Variants in CDH4 observed in about 807,000 individuals in gnomAD.
The protein encoded by CDH4 is cadherin-4.
Under a neutral mutation model 86.0 loss-of-function variants are expected in CDH4, and 33 were observed. The ratio of observed to expected loss-of-function variants is 0.38; its 90% CI spans 0.29 to 0.51. CDH4 has a LOEUF of 0.51. CDH4 is among the 20% of genes least tolerant of loss of function. The pLI, the probability that CDH4 is intolerant of heterozygous loss-of-function variation, is 0.86. For synonymous variants in CDH4, 555 were observed against 549.4 expected (o/e 1.01, Z -0.14); for missense variants, 1,114 against 1,307.4 (o/e 0.85, Z 2.28).
chr20:61,563,149 C>G (rs868618491), intron 2 of CDH4, among the ~76,000 whole-genome samples: 1 of 152,162 alleles, frequency 6.6e-6, no homozygotes, highest in Admixed American at 6.5e-5. Flanking sequence ...CTCTCTTGAC[C>G]TGTGAATTCT....
chr20:61,449,020 T>A (rs2085366475), intron 2 of CDH4, among the ~76,000 whole-genome samples: 1 of 152,194 alleles, frequency 6.6e-6, no homozygotes, highest in Non-Finnish European at 1.5e-5. Flanking sequence ...CTCTACTTTT[T>A]AAAACCTGGA....
At chr20:61,482,621 G>A (rs144024558) in intron 2 of CDH4, among the ~76,000 whole-genome samples, 182 of 152,256 alleles carry the variant, frequency 1.2e-3, no homozygotes, top group African/African-American at 4.2e-3. Context: ...CTGCTGCACC[G>A]CTTCTGCTGA....
chr20:61,594,407 C>T (rs147369803), intron 2 of CDH4, among the ~76,000 whole-genome samples: 2,065 of 152,216 alleles, frequency 0.014, 24 homozygotes, highest in South Asian at 0.04. Context: ...CAGCCCCCAC[C>T]GGGCCCACCT....
chr20:61,397,035 G>T (rs563667545), intron 2 of CDH4, among the ~76,000 whole-genome samples: 1 of 151,988 alleles, frequency 6.6e-6, no homozygotes, highest in Non-Finnish European at 1.5e-5. Context: ...CTCAGCCCCC[G>T]CAAGTAGCTG....
At chr20:61,815,323 T>C (rs1211454880) in intron 4 of CDH4, among the ~76,000 whole-genome samples, 1 of 152,132 alleles carries the variant, frequency 6.6e-6, no homozygotes, top group East Asian at 1.9e-4. Flanking sequence ...CTGTCATGAG[T>C]CTCGTGTACG....
chr20:61,750,538 T>A (rs1469557363), intron 3 of CDH4, among the ~76,000 whole-genome samples: 1 of 152,106 alleles, frequency 6.6e-6, no homozygotes, highest in Non-Finnish European at 1.5e-5. Flanking sequence ...TCAGGAAAAA[T>A]TAAAACAAAT....
chr20:61,775,596 C>G (rs74542396), intron 4 of CDH4, among the ~76,000 whole-genome samples: 6,254 of 152,222 alleles, frequency 0.041, 148 homozygotes, highest in Middle Eastern at 0.078. Flanking sequence ...GCTGGGTTAG[C>G]CCATGGGCCA....
intron 2 of CDH4, among the ~76,000 whole-genome samples, chr20:61,484,591 G>A (rs558570583): frequency 2.0e-5 from 3 of 152,324 alleles, no homozygotes; most frequent in African/African-American, 7.2e-5. Context: ...CCAGCTTCAC[G>A]CAGTCAGTCA....
chr20:61,497,041 G>A (rs780265608), intron 2 of CDH4, among the ~76,000 whole-genome samples: 3 of 149,184 alleles, frequency 2.0e-5, no homozygotes, highest in Non-Finnish European at 3.0e-5. Flanking sequence ...AATATCAGCC[G>A]TGAATAAGCC....
chr20:61,871,995 G>A (rs1983823733), intron 6 of CDH4, among the ~76,000 whole-genome samples: 1 of 152,180 alleles, frequency 6.6e-6, no homozygotes. Context: ...GGCCAGAGTG[G>A]CGGTCTTCTC....
chr20:61,380,470 T>C (rs1243757961), intron 2 of CDH4, among the ~76,000 whole-genome samples: 1 of 152,100 alleles, frequency 6.6e-6, no homozygotes, highest in Non-Finnish European at 1.5e-5. Flanking sequence ...TGAACTCTGA[T>C]AATTCACAGG....
intron 2 of CDH4, among the ~76,000 whole-genome samples, chr20:61,647,759 A>G (rs769561109): frequency 5.9e-5 from 9 of 152,150 alleles, no homozygotes; most frequent in Non-Finnish European, 1.0e-4. Context: ...CGGGGAGTTG[A>G]TCACAGGCCC....
intron 9 of CDH4, among the ~76,000 whole-genome samples, chr20:61,913,384 G>A (rs910258702): frequency 5.9e-5 from 9 of 152,228 alleles, no homozygotes; most frequent in Admixed American, 2.0e-4. Context: ...CCCTATCTGC[G>A]CGGAGCATCA....
chr20:61,717,007 A>G (rs1194735668), intron 2 of CDH4, among the ~76,000 whole-genome samples: 1 of 152,246 alleles, frequency 6.6e-6, no homozygotes, highest in Non-Finnish European at 1.5e-5. Context: ...CACCAGGTAG[A>G]GGAAACCCTC....
At chr20:61,374,864 G>A (rs1452030694) in intron 2 of CDH4, among the ~76,000 whole-genome samples, 1 of 152,224 alleles carries the variant, frequency 6.6e-6, no homozygotes, top group East Asian at 1.9e-4. Context: ...GAAGCGTGCC[G>A]CCTGGAGGCT....
At chr20:61,628,329 A>C (rs2086851582) in intron 2 of CDH4, among the ~76,000 whole-genome samples, 1 of 147,714 alleles carries the variant, frequency 6.8e-6, no homozygotes, top group Non-Finnish European at 1.5e-5. Flanking sequence ...GGAACCGGGC[A>C]CCCCCACCCC....
chr20:61,635,416 G>A (rs1479088393), intron 2 of CDH4, among the ~76,000 whole-genome samples: 1 of 152,224 alleles, frequency 6.6e-6, no homozygotes, highest in Non-Finnish European at 1.5e-5. Flanking sequence ...CTTGGCTGCT[G>A]CGGGTGATGT....
intron 2 of CDH4, among the ~76,000 whole-genome samples, chr20:61,579,894 G>A (rs1036683203): frequency 3.3e-5 from 5 of 151,912 alleles, no homozygotes; most frequent in Non-Finnish European, 7.4e-5. Context: ...AAAATGTACT[G>A]CCTTTTTTTG....
chr20:61,603,585 G>C lies in CDH4; in HGVS notation c.170-139978G>C, dbSNP rs532571763. Among the ~76,000 whole-genome samples the C allele has an allele frequency of 3.0e-4, 46 of 152,302 alleles. 1 individual carries two copies. Among genetic ancestry groups the C allele is most frequent in the African/African-American group, 9.9e-4 (41 of 41,564 alleles). Reference sequence around the variant, plus strand: ...CACAGGGAGCAGAAGGGCCCATCCCGGGCCCTCACCTGCTAGGTCCCATTG... The same window carrying C: ...CACAGGGAGCAGAAGGGCCCATCCCCGGCCCTCACCTGCTAGGTCCCATTG... On this transcript the variant is annotated intron_variant, in intron 2 of 15. Coordinates refer to ENST00000614565, the MANE Select transcript of CDH4 (RefSeq NM_001794.5).
Sources: gnomAD v4.1 joint callset for allele counts (sites outside exome capture counted in the v4.1 genomes callset) on GRCh38, gnomAD v4.1.1 for gene constraint, MANE v1.5 for transcripts, NCBI Gene and HGNC (gene_info 2026-07-23, HGNC 2026-07-21) for gene names.